The following SKAP1 variants were observed in gnomAD, a reference collection of about 807,000 sequenced individuals.
The protein encoded by SKAP1 is src kinase-associated phosphoprotein 1.
In SKAP1, 44 loss-of-function variants were observed where a neutral mutation model predicts 58.5. That is an observed-to-expected ratio of 0.75 (90% CI 0.59 to 0.97). SKAP1 has a LOEUF of 0.97. Among genes scored for constraint, SKAP1 ranks in the 50% least tolerant of loss-of-function variants. The pLI, the probability that SKAP1 is intolerant of heterozygous loss-of-function variation, is 0.00. For missense variants in SKAP1, 390 were observed against 435.2 expected (o/e 0.90, Z 0.92); for synonymous variants, 127 against 149.7 (o/e 0.85, Z 1.11).
chr17:48,403,283 C>T (rs1318197952), intron 1 of SKAP1, among the ~76,000 whole-genome samples: 1 of 151,728 alleles, frequency 6.6e-6, no homozygotes, highest in African/African-American at 2.4e-5. Flanking sequence ...CAGTAGGATC[C>T]ATTGAGCCCA....
intron 4 of SKAP1, among the ~76,000 whole-genome samples, chr17:48,199,935 C>A (rs1265933406): frequency 1.3e-5 from 2 of 152,092 alleles, no homozygotes; most frequent in East Asian, 1.9e-4. Context: ...TATAGCCGTG[C>A]ACGTAGGGGG....
In SKAP1 at chr17:48,344,215, T is replaced by C; in HGVS notation, c.280+1690A>G. ...ATTATTCTTAGATAAATTTTATTTA[T>C]AGATTTTGTTTTCTATATAAAGTTT... On this transcript the variant is annotated intron_variant, in intron 4 of 12. Transcript: ENST00000336915. The C allele has an allele frequency of 6.7e-6, 3 of 446,794 alleles. No individual in the cohort carries two copies. The South Asian group carries it at 2.9e-4, about 43-fold the overall frequency. 27.7% of individuals were successfully genotyped at this position (446,794 alleles called of 1,614,324 possible). A position where few individuals can be genotyped will look rare whatever the true frequency, so the allele number is the denominator to read the frequency against.
chr17:48,403,693 G>A (rs2067531671), intron 1 of SKAP1, among the ~76,000 whole-genome samples: 1 of 152,178 alleles, frequency 6.6e-6, no homozygotes, highest in Non-Finnish European at 1.5e-5. Flanking sequence ...TAGTCAAGAT[G>A]TTGGTTTGGC....
chr17:48,365,113 TTTTTTGTTTTTG>T (rs371494666), intron 2 of SKAP1, among the ~76,000 whole-genome samples: 21 of 146,160 alleles, frequency 1.4e-4, no homozygotes, highest in South Asian at 4.3e-4. Context: ...CAGTTACTGT[TTTTTTGTTTTTG>T]TTTTTGTTTT....
chr17:48,224,806 G>C (rs2065047980), intron 4 of SKAP1, among the ~76,000 whole-genome samples: 2 of 152,180 alleles, frequency 1.3e-5, no homozygotes, highest in African/African-American at 4.8e-5. Context: ...CCTTTTGGGG[G>C]AGGGGAGATG....
chr17:48,319,799 A>C lies in SKAP1; in HGVS notation c.280+26106T>G, dbSNP rs560265375. ...TGAGGCTGCAGTGAGCAGTGATCAC[A>C]CCACTGCATTCCAGCCTGGGTGACA... On this transcript the variant is annotated intron_variant, in intron 4 of 12. Coordinates refer to ENST00000336915, the MANE Select transcript of SKAP1 (RefSeq NM_003726.4). Among the ~76,000 whole-genome samples the C allele has an allele frequency of 4.6e-5, 7 of 152,292 alleles. No individual in the cohort carries two copies. In the East Asian group the frequency reaches 1.4e-3, roughly 29 times the overall value.
chr17:48,330,596 C>T (rs369422353), intron 4 of SKAP1, among the ~76,000 whole-genome samples: 13 of 152,344 alleles, frequency 8.5e-5, no homozygotes, highest in East Asian at 3.9e-4. Flanking sequence ...CTGCAACCCG[C>T]CCTCTTCATT....
chr17:48,177,383 A>C (rs1567807157), intron 9 of SKAP1, among the ~76,000 whole-genome samples: 1 of 152,162 alleles, frequency 6.6e-6, no homozygotes, highest in African/African-American at 2.4e-5. Context: ...AACTTTACAC[A>C]TGTCAGTTCC....
intron 2 of SKAP1, among the ~76,000 whole-genome samples, chr17:48,384,031 T>C (rs1294335479): frequency 6.6e-6 from 1 of 152,018 alleles, no homozygotes; most frequent in African/African-American, 2.4e-5. Flanking sequence ...AGCGAATAAA[T>C]TACCCTTTTT....
chr17:48,202,268 G>C (rs979563158), intron 4 of SKAP1, among the ~76,000 whole-genome samples: 6 of 152,146 alleles, frequency 3.9e-5, no homozygotes, highest in Non-Finnish European at 8.8e-5. Flanking sequence ...ACTAATTATC[G>C]TGATTCTCTG....
intron 2 of SKAP1, among the ~76,000 whole-genome samples, chr17:48,373,885 T>TA (rs1178325591): frequency 6.6e-6 from 1 of 151,592 alleles, no homozygotes. Context: ...TCTAGATGAA[T>TA]TTTTTTTTGC....
At chr17:48,204,015 C>T (rs563270100) in intron 4 of SKAP1, 2 of 152,280 alleles carry the variant, frequency 1.3e-5, no homozygotes, top group Admixed American at 6.5e-5. Flanking sequence ...ACCAGTCTGG[C>T]CTTCTGAAGC....
intron 7 of SKAP1, among the ~76,000 whole-genome samples, chr17:48,183,242 T>A (rs905243056): frequency 6.6e-5 from 10 of 152,244 alleles, no homozygotes; most frequent in African/African-American, 2.4e-4. Context: ...GTCCTCTGGA[T>A]GAAGTGACAG....
chr17:48,391,621 G>T (rs920912951), intron 2 of SKAP1, among the ~76,000 whole-genome samples: 8 of 152,154 alleles, frequency 5.3e-5, no homozygotes, highest in Admixed American at 2.0e-4. Context: ...TGTTGAAGTT[G>T]TTGTGGGTTT....
intron 4 of SKAP1, among the ~76,000 whole-genome samples, chr17:48,219,552 T>A (rs1486195874): frequency 6.6e-6 from 1 of 152,208 alleles, no homozygotes; most frequent in Non-Finnish European, 1.5e-5. Flanking sequence ...GTCATGTCAG[T>A]TAATGTTAGT....
chr17:48,215,559 G>T (rs2064928939), intron 4 of SKAP1, among the ~76,000 whole-genome samples: 1 of 152,230 alleles, frequency 6.6e-6, no homozygotes, highest in South Asian at 2.1e-4. Flanking sequence ...TGAGGATGCA[G>T]ACGTGTCAGA....
At chr17:48,253,616 C>T (rs1057187606) in intron 4 of SKAP1, among the ~76,000 whole-genome samples, 3 of 152,080 alleles carry the variant, frequency 2.0e-5, no homozygotes, top group Non-Finnish European at 2.9e-5. Flanking sequence ...GCATAGGTGC[C>T]GGACTCATCT....
intron 4 of SKAP1, among the ~76,000 whole-genome samples, chr17:48,223,675 A>G (rs1474085492): frequency 6.6e-6 from 1 of 152,214 alleles, no homozygotes; most frequent in Non-Finnish European, 1.5e-5. Context: ...CATGCATTTG[A>G]AAATAAGCAA....
intron 4 of SKAP1, among the ~76,000 whole-genome samples, chr17:48,207,476 ACT>A (rs1049406567): frequency 1.5e-5 from 2 of 135,464 alleles, no homozygotes; most frequent in African/African-American, 5.4e-5. Flanking sequence ...ACAGAGGAAG[ACT>A]CTGTCTCAAA....
Sources: gnomAD v4.1 joint callset for allele counts (sites outside exome capture counted in the v4.1 genomes callset) on GRCh38, gnomAD v4.1.1 for gene constraint, MANE v1.5 for transcripts, NCBI Gene and HGNC (gene_info 2026-07-23, HGNC 2026-07-21) for gene names.